Variants in REEP1 observed in about 807,000 individuals in gnomAD.
The protein encoded by REEP1 is receptor expression-enhancing protein 1.
In REEP1, 22 loss-of-function variants were observed where a neutral mutation model predicts 40.3. The observed-to-expected ratio is 0.55, with a 90% CI of 0.39 to 0.78. The LOEUF (loss-of-function observed/expected upper bound fraction) is 0.78. REEP1 is among the 30% of genes least tolerant of loss of function. The pLI, the probability that REEP1 is intolerant of heterozygous loss-of-function variation, is 0.00. For synonymous variants in REEP1, 116 were observed against 139.2 expected (o/e 0.83, Z 1.17); for missense variants, 280 against 361.1 (o/e 0.78, Z 1.82).
At chr2:86,302,897 G>A (rs1186359646) in intron 1 of REEP1, among the ~76,000 whole-genome samples, 1 of 151,968 alleles carries the variant, frequency 6.6e-6, no homozygotes, top group Admixed American at 6.5e-5. Context: ...CTTCATCCAT[G>A]ACAGATCCTT....
intron 3 of REEP1, among the ~76,000 whole-genome samples, chr2:86,261,266 C>T (rs1353143395): frequency 1.3e-5 from 2 of 152,162 alleles, no homozygotes; most frequent in South Asian, 4.1e-4. Flanking sequence ...CCGGCCTCTA[C>T]TCTCATCTTT....
chr2:86,235,805 G>A (rs932992456), intron 5 of REEP1, among the ~76,000 whole-genome samples: 4 of 152,222 alleles, frequency 2.6e-5, no homozygotes, highest in Non-Finnish European at 4.4e-5. Context: ...AAGAGAGGGA[G>A]ATAATAATAG....
chr2:86,251,852 A>G, intron 5 of REEP1, 105 bp downstream of exon 5: 2 of 841,562 alleles, frequency 2.4e-6, no homozygotes, highest in Non-Finnish European at 2.1e-6. Flanking sequence ...AAGATGAAAA[A>G]CCACTGATTG....
intron 3 of REEP1, among the ~76,000 whole-genome samples, chr2:86,261,727 T>C (rs1676864105): frequency 6.6e-6 from 1 of 152,214 alleles, no homozygotes; most frequent in Non-Finnish European, 1.5e-5. Context: ...GTAAAGGGTC[T>C]GTGCTGAGGA....
intron 1 of REEP1, among the ~76,000 whole-genome samples, chr2:86,299,358 A>G (rs10173343): frequency 0.042 from 6,342 of 152,282 alleles, 461 homozygotes; most frequent in African/African-American, 0.14. Flanking sequence ...GGCTTTAACT[A>G]TTAGATGACC....
chr2:86,281,549 AC>A (rs1400338728), intron 2 of REEP1, among the ~76,000 whole-genome samples: 2 of 151,948 alleles, frequency 1.3e-5, no homozygotes, highest in Non-Finnish European at 2.9e-5. Flanking sequence ...AATCTCTTGA[AC>A]CCGGGAGGCG....
intron 2 of REEP1, among the ~76,000 whole-genome samples, chr2:86,278,989 T>C (rs927493209): frequency 1.3e-5 from 2 of 152,240 alleles, no homozygotes; most frequent in Non-Finnish European, 2.9e-5. Context: ...TGTTTCTAAA[T>C]TGGAGATCCT....
intron 1 of REEP1, among the ~76,000 whole-genome samples, chr2:86,292,254 T>G (rs998454775): frequency 6.6e-6 from 1 of 152,188 alleles, no homozygotes; most frequent in Non-Finnish European, 1.5e-5. Context: ...TAGGTACAAA[T>G]TTAACTTACC....
chr2:86,248,165 T>C (rs958377496), intron 5 of REEP1, among the ~76,000 whole-genome samples: 1 of 152,228 alleles, frequency 6.6e-6, no homozygotes, highest in Non-Finnish European at 1.5e-5. Flanking sequence ...AACTAATCTG[T>C]ATCCTGGCCT....
intron 5 of REEP1, among the ~76,000 whole-genome samples, chr2:86,249,029 C>T (rs12469233): frequency 0.33 from 50,636 of 151,968 alleles, 9,600 homozygotes; most frequent in Middle Eastern, 0.45. Context: ...GAGGCTGAGG[C>T]GGGCGGATCA....
intron 1 of REEP1, among the ~76,000 whole-genome samples, chr2:86,288,029 A>ATTT (rs1558916443): frequency 6.7e-6 from 1 of 148,484 alleles, no homozygotes; most frequent in African/African-American, 2.6e-5. Flanking sequence ...TTTTATTTTT[A>ATTT]TTATTTTTTT....
intron 7 of REEP1, among the ~76,000 whole-genome samples, chr2:86,222,268 A>C (rs1674471063): frequency 6.6e-6 from 1 of 152,228 alleles, no homozygotes; most frequent in Non-Finnish European, 1.5e-5. Context: ...CCTCCAGCCC[A>C]GTAGGAGTGA....
chr2:86,321,795 T>C (rs944183318), intron 1 of REEP1, among the ~76,000 whole-genome samples: 2 of 152,196 alleles, frequency 1.3e-5, no homozygotes, highest in African/African-American at 2.4e-5. Context: ...TGACAAAATA[T>C]ATTTCTGAAA....
rs1003607603 is a variant in REEP1 at position 86,306,464 on chromosome 2, T to C, written c.33-24222A>G. On this transcript the variant is annotated intron_variant, in intron 1 of 8. Coordinates refer to ENST00000538924, the MANE Select transcript of REEP1 (RefSeq NM_001371279.1). The stretch of plus-strand genomic sequence containing the variant: ...TATGATAATAATAAAATACTCCCAG[T>C]TTGCTCAAACTGTTACCTAGTCTTT... 2.0e-5 allele frequency among the ~76,000 whole-genome samples: 3 copies of C among 152,294 alleles called. 1 individual carries two copies. The South Asian group carries it at 6.2e-4, about 32-fold the overall frequency.
At chr2:86,302,220 C>T (rs528221675) in intron 1 of REEP1, among the ~76,000 whole-genome samples, 23 of 152,368 alleles carry the variant, frequency 1.5e-4, no homozygotes, top group Non-Finnish European at 2.8e-4. Flanking sequence ...GCTGAGAACA[C>T]GGGCCCTTGT....
At chr2:86,298,179 G>T (rs1464462997) in intron 1 of REEP1, among the ~76,000 whole-genome samples, 1 of 152,194 alleles carries the variant, frequency 6.6e-6, no homozygotes, top group Non-Finnish European at 1.5e-5. Flanking sequence ...TTGGTTTGGG[G>T]AATGGTGGAA....
At chr2:86,312,996 T>G (rs1489026470) in intron 1 of REEP1, among the ~76,000 whole-genome samples, 2 of 151,738 alleles carry the variant, frequency 1.3e-5, no homozygotes, top group Non-Finnish European at 2.9e-5. Context: ...TCCTTCTTCT[T>G]CTGCTTTTTT....
At chr2:86,270,484 C>T (rs369037213) in intron 2 of REEP1, among the ~76,000 whole-genome samples, 52 of 152,074 alleles carry the variant, frequency 3.4e-4, no homozygotes, top group Admixed American at 3.1e-3. Context: ...TGTGAGCCAC[C>T]GTGCCCAGCC....
chr2:86,263,392 G>A (rs781225254), intron 3 of REEP1, among the ~76,000 whole-genome samples: 5 of 151,838 alleles, frequency 3.3e-5, no homozygotes, highest in Non-Finnish European at 5.9e-5. Flanking sequence ...ACCATGCCCG[G>A]CTAATTATTT....
Sources: allele counts gnomAD v4.1 joint callset (sites outside exome capture counted in the v4.1 genomes callset), GRCh38; gene constraint gnomAD v4.1.1; transcripts MANE v1.5; gene names NCBI Gene and HGNC (gene_info 2026-07-23, HGNC 2026-07-21).